MGST1: variants seen among roughly 807,000 people sequenced by gnomAD.
MGST1 encodes the protein glutathione S-transferase 12.
Under a neutral mutation model 8.9 loss-of-function variants are expected in MGST1, and 5 were observed. The observed-to-expected ratio is 0.56, with a 90% CI of 0.29 to 1.19. MGST1 has a LOEUF of 1.19. Ranked by LOEUF, MGST1 falls within the 50% of genes most tolerant of loss-of-function variation. The probability of loss-of-function intolerance (pLI) is 0.08; values close to 1 mark genes in which losing one functional copy is unlikely to be tolerated. For missense variants in MGST1, 182 were observed against 187.4 expected (o/e 0.97, Z 0.17); for synonymous variants, 54 against 67.8 (o/e 0.80, Z 1.00).
intron 1 of MGST1, among the ~76,000 whole-genome samples, chr12:16,397,000 A>G (rs977703969): frequency 6.6e-6 from 1 of 152,178 alleles, no homozygotes; most frequent in African/African-American, 2.4e-5. Context: ...ACAAATCTAG[A>G]GGCATCACAT....
chr12:16,379,891 A>G (rs9739843), downstream of MGST1, among the ~76,000 whole-genome samples: 91,854 of 151,962 alleles, frequency 0.6, 28,533 homozygotes, highest in East Asian at 0.96. Context: ...TGTATGTGTC[A>G]AGGAATTTAT....
intron 2 of MGST1, among the ~76,000 whole-genome samples, chr12:16,356,957 A>T (rs9332912): frequency 6.6e-6 from 1 of 152,262 alleles, no homozygotes; most frequent in Non-Finnish European, 1.5e-5. Flanking sequence ...AGGTATGTCA[A>T]CATCACTGTG....
chr12:16,511,911 C>T (rs1470722372), intron 4 of MGST1, among the ~76,000 whole-genome samples: 1 of 152,140 alleles, frequency 6.6e-6, no homozygotes, highest in Admixed American at 6.5e-5. Context: ...TATCTATACC[C>T]TATGAACTGC....
intron 4 of MGST1, among the ~76,000 whole-genome samples, chr12:16,556,660 A>AT (rs1308692239): frequency 5.3e-5 from 8 of 152,206 alleles, no homozygotes; most frequent in South Asian, 2.1e-4. Flanking sequence ...TGCGACAATG[A>AT]TTTGGCTACT....
At chr12:16,394,083 A>G (rs905885302) in intron 1 of MGST1, among the ~76,000 whole-genome samples, 13 of 152,328 alleles carry the variant, frequency 8.5e-5, no homozygotes, top group South Asian at 2.1e-4. Context: ...TACACTAGGT[A>G]ATTACAAACT....
chr12:16,400,106 T>A, intron 1 of MGST1: 1 of 1,564,464 alleles, frequency 6.4e-7, no homozygotes, highest in Non-Finnish European at 8.8e-7. Flanking sequence ...GTTTTCAGTT[T>A]GTGCCTCATT....
At chr12:16,520,692 A>G (rs1485832161) in intron 4 of MGST1, among the ~76,000 whole-genome samples, 1 of 152,152 alleles carries the variant, frequency 6.6e-6, no homozygotes, top group Non-Finnish European at 1.5e-5. Flanking sequence ...CATCTCTATT[A>G]TGTTCACCTC....
intron 4 of MGST1, among the ~76,000 whole-genome samples, chr12:16,588,059 CTT>C (rs982029414): frequency 6.6e-6 from 1 of 152,048 alleles, no homozygotes; most frequent in African/African-American, 2.4e-5. Flanking sequence ...TCACAAGTAT[CTT>C]TATCAAACAA....
At chr12:16,464,653 C>T (rs1941242166) in intron 4 of MGST1, among the ~76,000 whole-genome samples, 1 of 152,188 alleles carries the variant, frequency 6.6e-6, no homozygotes, top group East Asian at 1.9e-4. Flanking sequence ...TAACCAATAA[C>T]ATCACAATTT....
intron 4 of MGST1, among the ~76,000 whole-genome samples, chr12:16,507,766 A>G (rs1941548746): frequency 6.6e-6 from 1 of 152,070 alleles, no homozygotes; most frequent in Non-Finnish European, 1.5e-5. Context: ...AACTCACTCA[A>G]TATCATGAGA....
rs1287584295 is a variant in MGST1, at chr12:16,576,871, T to C, written n.483-12657T>C. 6.6e-6 allele frequency among the ~76,000 whole-genome samples: 1 copy of C among 152,184 alleles called. No homozygotes were observed. The highest frequency in any genetic ancestry group is 1.5e-5 in the Non-Finnish European group (1 of 68,038). ...AGGTGGAAGTCAAAAATAAATTACT[T>C]AAAAGCTGTTACAAAGAAATGATTA... On this transcript the variant is annotated intron_variant and non_coding_transcript_variant, in intron 4 of 4. Coordinates refer to the MGST1 transcript ENST00000538857. This position sits in a 1 kb window ranked among gnomAD's most constrained non-coding sequence, Gnocchi z 4.1.
At chr12:16,359,941 G>C (rs974268093) in intron 3 of MGST1, among the ~76,000 whole-genome samples, 1 of 152,182 alleles carries the variant, frequency 6.6e-6, no homozygotes, top group Admixed American at 6.5e-5. Context: ...CCGTGGGATT[G>C]TACTTTTAGA....
chr12:16,381,184 G>T (rs1304130156), downstream of MGST1, among the ~76,000 whole-genome samples: 3 of 152,094 alleles, frequency 2.0e-5, no homozygotes, highest in Admixed American at 2.0e-4. Context: ...CTGTCATTAT[G>T]ATGTTAGCTG....
At chr12:16,454,722 A>T (rs1313551996) in intron 4 of MGST1, among the ~76,000 whole-genome samples, 1 of 151,876 alleles carries the variant, frequency 6.6e-6, no homozygotes, top group African/African-American at 2.4e-5. Flanking sequence ...CATTTTAGGC[A>T]TAATATTTCT....
rs546370489 is a variant in MGST1 at position 16,531,402 on chromosome 12, A to G, written n.483-58126A>G. Among the ~76,000 whole-genome samples the G allele has an allele frequency of 4.6e-4, 70 of 152,158 alleles. No homozygotes were observed. The South Asian group carries it at 0.01, about 22-fold the overall frequency. ...GTTGTTGCTATACAGTGAAAACTAA[A>G]ACAAGGGCCCTTTCCTGTATAGAGG... On this transcript the variant is annotated intron_variant and non_coding_transcript_variant, in intron 4 of 4. Coordinates refer to the MGST1 transcript ENST00000538857.
chr12:16,438,005 A>C (rs1941003636), exon 2 of MGST1: 1 of 151,910 alleles, frequency 6.6e-6, no homozygotes, highest in Non-Finnish European at 1.5e-5. Context: ...TGGGACAGTA[A>C]ATTTTTTTAA....
At chr12:16,469,212 C>A (rs896842190) in intron 4 of MGST1, among the ~76,000 whole-genome samples, 1 of 124,588 alleles carries the variant, frequency 8.0e-6, no homozygotes, top group African/African-American at 3.0e-5. Flanking sequence ...GAGACAGAGC[C>A]TCACTCTGTT....
At chr12:16,433,706 T>C (rs1216701304) in intron 1 of MGST1, among the ~76,000 whole-genome samples, 1 of 152,098 alleles carries the variant, frequency 6.6e-6, no homozygotes, top group Non-Finnish European at 1.5e-5. Flanking sequence ...TTACCAAATA[T>C]CTGGGCATCC....
chr12:16,519,641 A>G (rs923521897), intron 4 of MGST1, among the ~76,000 whole-genome samples: 5 of 8,026 alleles, frequency 6.2e-4, no homozygotes, highest in Non-Finnish European at 4.7e-4. Context: ...TAACAAATAG[A>G]CTACATTTTT....
Sources: gnomAD v4.1 joint callset for allele counts (sites outside exome capture counted in the v4.1 genomes callset) on GRCh38, gnomAD v4.1.1 for gene constraint, Gnocchi (gnomAD v3.1) non-coding constraint, MANE v1.5 for transcripts, NCBI Gene and HGNC (gene_info 2026-07-23, HGNC 2026-07-21) for gene names.